Variants in HPSE2 observed in about 807,000 individuals in gnomAD.
The protein encoded by HPSE2 is heparanase 2 (inactive), also known as inactive heparanase-2.
In HPSE2, 38 loss-of-function variants were observed where a neutral mutation model predicts 60.5. The observed-to-expected ratio is 0.63, with a 90% CI of 0.48 to 0.82. The LOEUF (loss-of-function observed/expected upper bound fraction) is 0.82. HPSE2 is among the 40% of genes least tolerant of loss of function. The probability of loss-of-function intolerance (pLI) is 0.00; values close to 1 mark genes in which losing one functional copy is unlikely to be tolerated. For missense variants in HPSE2, 713 were observed against 740.4 expected (o/e 0.96, Z 0.43); for synonymous variants, 295 against 293.2 (o/e 1.01, Z -0.06).
rs1943401119 is a variant in HPSE2, at chr10:98,539,736, GCTTTT to G, written c.1321-49545_1321-49541del. On this transcript the variant is annotated intron_variant, in intron 9 of 11. Transcript: ENST00000370552. ...ATCTTTCTTCACTCTCCCTCTGATT[GCTTTT>G]CTTTTCTTATCTTTCTCACACCCCT... 4.6e-5 allele frequency among the ~76,000 whole-genome samples: 7 copies of G among 151,892 alleles called. No individual in the cohort carries two copies. In the South Asian group the frequency reaches 1.5e-3, roughly 32 times the overall value.
intron 5 of HPSE2, among the ~76,000 whole-genome samples, chr10:98,712,203 T>A (rs1332350783): frequency 6.6e-6 from 1 of 152,074 alleles, no homozygotes; most frequent in East Asian, 1.9e-4. Context: ...ACAGACTGAC[T>A]TCTCTGGTAT....
intron 3 of HPSE2, among the ~76,000 whole-genome samples, chr10:99,090,508 A>G (rs1218506442): frequency 6.6e-6 from 1 of 152,132 alleles, no homozygotes; most frequent in Non-Finnish European, 1.5e-5. Flanking sequence ...AAATATAAAT[A>G]TAAATAAATT....
intron 5 of HPSE2, among the ~76,000 whole-genome samples, chr10:98,698,198 C>G (rs1417004998): frequency 1.4e-5 from 2 of 145,086 alleles, no homozygotes; most frequent in African/African-American, 5.1e-5. Context: ...TTTTTTTCAG[C>G]ACCACACCAC....
intron 3 of HPSE2, among the ~76,000 whole-genome samples, chr10:99,136,845 C>G (rs570120067): frequency 6.6e-6 from 1 of 152,272 alleles, no homozygotes; most frequent in Admixed American, 6.5e-5. Context: ...CAAGGAAGCC[C>G]TCTCTAACCA....
chr10:98,573,653 A>G (rs1387873881), intron 9 of HPSE2, among the ~76,000 whole-genome samples: 2 of 152,186 alleles, frequency 1.3e-5, no homozygotes, highest in Non-Finnish European at 2.9e-5. Context: ...TTCACCTCGC[A>G]CTTTTTCAAA....
At chr10:99,218,644 T>C (rs896401953) in intron 2 of HPSE2, among the ~76,000 whole-genome samples, 1 of 152,198 alleles carries the variant, frequency 6.6e-6, no homozygotes, top group African/African-American at 2.4e-5. Context: ...ATGAAGACAT[T>C]TCATAAATGT....
At position 98,687,894 on chromosome 10, in the gene HPSE2, T is replaced by C. The variant is rs541377400; in HGVS notation, c.1004+6006A>G. Reference sequence around the variant, plus strand: ...TAATTGAGTCTTCTATAGCATCCAGTCTGACAATCTTTGCCTTTTAATTAC... The same window carrying C: ...TAATTGAGTCTTCTATAGCATCCAGCCTGACAATCTTTGCCTTTTAATTAC... On this transcript the variant is annotated intron_variant, in intron 6 of 11. Transcript: ENST00000370552. Among the ~76,000 whole-genome samples, 15 of 152,302 alleles carry C rather than the reference T, an allele frequency of 9.8e-5. No homozygotes were observed. The East Asian group carries it at 2.9e-3, about 29-fold the overall frequency.
intron 6 of HPSE2, among the ~76,000 whole-genome samples, chr10:98,650,609 C>T (rs1160195459): frequency 1.3e-5 from 2 of 152,260 alleles, no homozygotes; most frequent in East Asian, 3.9e-4. Context: ...CATGCAAGAA[C>T]AGTTGATGAG....
At chr10:98,504,947 T>TATTATTCA (rs1200574859) in intron 9 of HPSE2, among the ~76,000 whole-genome samples, 4 of 152,228 alleles carry the variant, frequency 2.6e-5, no homozygotes, top group Non-Finnish European at 5.9e-5. Flanking sequence ...TTTATAAAAA[T>TATTATTCA]GGTACGTAAT....
intron 2 of HPSE2, among the ~76,000 whole-genome samples, chr10:99,223,359 T>C (rs1035727455): frequency 6.6e-6 from 1 of 152,196 alleles, no homozygotes; most frequent in Non-Finnish European, 1.5e-5. Context: ...TTACTATTAT[T>C]GGGCTGCAGA....
At chr10:98,602,679 A>G (rs1290370430) in intron 9 of HPSE2, among the ~76,000 whole-genome samples, 1 of 152,196 alleles carries the variant, frequency 6.6e-6, no homozygotes, top group African/African-American at 2.4e-5. Context: ...TTAATTTTCA[A>G]TAAAAGTGCC....
At chr10:99,153,648 G>C (rs948493126) in intron 2 of HPSE2, among the ~76,000 whole-genome samples, 3 of 152,088 alleles carry the variant, frequency 2.0e-5, no homozygotes, top group African/African-American at 4.8e-5. Flanking sequence ...CACAAAGATG[G>C]GGAAAAAACA....
chr10:98,867,454 T>TCCAGC (rs1302206358), intron 3 of HPSE2, among the ~76,000 whole-genome samples: 104 of 152,290 alleles, frequency 6.8e-4, no homozygotes, highest in African/African-American at 2.5e-3. Flanking sequence ...AGATATCATC[T>TCCAGC]CATTCCAGTC....
At chr10:99,156,086 TCTGAA>T (rs1846543074) in intron 2 of HPSE2, among the ~76,000 whole-genome samples, 1 of 146,998 alleles carries the variant, frequency 6.8e-6, no homozygotes, top group South Asian at 2.3e-4. Flanking sequence ...AATAACAGGA[TCTGAA>T]ATTGTGGCAA....
the HPSE2 span, among the ~76,000 whole-genome samples, chr10:99,292,167 G>C: frequency 6.6e-6 from 1 of 152,284 alleles, no homozygotes; most frequent in South Asian, 2.1e-4. Flanking sequence ...GGGAAGAAAG[G>C]GGAGAGGAGC....
chr10:99,075,207 T>C (rs965475235), intron 3 of HPSE2, among the ~76,000 whole-genome samples: 1 of 152,166 alleles, frequency 6.6e-6, no homozygotes, highest in Non-Finnish European at 1.5e-5. Context: ...CTGCATCTTA[T>C]AGGTTTGGTA....
intron 3 of HPSE2, among the ~76,000 whole-genome samples, chr10:98,973,600 G>T (rs1210514293): frequency 6.6e-6 from 1 of 152,100 alleles, no homozygotes; most frequent in Admixed American, 6.6e-5. Context: ...AAAGCATCTG[G>T]CACATAAATA....
chr10:99,313,594 T>G, the HPSE2 span, among the ~76,000 whole-genome samples: 60 of 116,784 alleles, frequency 5.1e-4, no homozygotes, highest in African/African-American at 2.0e-3. Context: ...TGACTCCAAT[T>G]TTTTTTTTTT....
Position 98,715,941 on chromosome 10 carries a change from A to AT in HPSE2, c.956+5715dup, listed in dbSNP as rs1176073470. On this transcript the variant is annotated intron_variant, in intron 5 of 11. Transcript: ENST00000370552. ...CTTTCATGGAAGACTTCTCTGTAGCATTCAATGCTGTTTGATGGCATTATA... is the reference window on the plus strand; with the variant it reads ...CTTTCATGGAAGACTTCTCTGTAGCATTTCAATGCTGTTTGATGGCATTATA... 1.2e-4 allele frequency among the ~76,000 whole-genome samples: 19 copies of AT among 152,184 alleles called. No homozygotes were observed. The East Asian group carries it at 3.7e-3, about 29-fold the overall frequency.
Sources: allele counts gnomAD v4.1 joint callset (sites outside exome capture counted in the v4.1 genomes callset), GRCh38; gene constraint gnomAD v4.1.1; transcripts MANE v1.5; gene names NCBI Gene and HGNC (gene_info 2026-07-23, HGNC 2026-07-21).